OTOGL: variants seen among roughly 807,000 people sequenced by gnomAD.
The protein encoded by OTOGL is otogelin like.
In OTOGL, 285 loss-of-function variants were observed where a neutral mutation model predicts 318.5. That is an observed-to-expected ratio of 0.89 (90% CI 0.81 to 0.99). The LOEUF is 0.99. OTOGL is among the 50% of genes least tolerant of loss of function. The pLI is 0.00. For synonymous variants in OTOGL, 987 were observed against 936.5 expected (o/e 1.05, Z -0.99); for missense variants, 2,899 against 2,845.6 (o/e 1.02, Z -0.43).
At chr12:80,179,567 T>A (rs1874775265) in intron 1 of OTOGL, among the ~76,000 whole-genome samples, 1 of 152,154 alleles carries the variant, frequency 6.6e-6, no homozygotes, top group African/African-American at 2.4e-5. Context: ...TGCAGAGACA[T>A]GTAAGACCTT....
rs527938705 is a variant in OTOGL at position 80,320,323 on chromosome 12, T to G, written c.3803-99T>G. ...ATTGGCACTAATTATGTTTGGCAAT[T>G]GTGCAGTACTATTTTGTTTACTTTA... On this transcript the variant is annotated intron_variant, in intron 33 of 58. Coordinates refer to ENST00000547103, the MANE Select transcript of OTOGL (RefSeq NM_001378609.3). The G allele has an allele frequency of 7.2e-6, 8 of 1,107,838 alleles. No individual in the cohort carries two copies. The African/African-American group carries it at 1.3e-4, about 18-fold the overall frequency. The allele number at this position is 1,107,838 out of a possible 1,614,324, so 68.6% of individuals were successfully genotyped here.
intron 26 of OTOGL, among the ~76,000 whole-genome samples, chr12:80,279,948 C>A (rs1026385424): frequency 1.1e-4 from 16 of 151,872 alleles, no homozygotes; most frequent in Admixed American, 5.9e-4. Flanking sequence ...TTCTTCGCAA[C>A]CTTGCCAACA....
At chr12:80,344,108 T>C (rs1171558706) in intron 44 of OTOGL, among the ~76,000 whole-genome samples, 6 of 152,172 alleles carry the variant, frequency 3.9e-5, no homozygotes, top group African/African-American at 1.4e-4. Flanking sequence ...CAGTTTTACA[T>C]GGAGATTTGG....
rs534350770 is a variant in OTOGL at position 80,319,023 on chromosome 12, T to A, written c.3802+310T>A. ...TTAATTTGATGTTTTTGAAAAACCA[T>A]CCACTGATTCTTAATATTTGAAAGG... is the stretch of plus-strand genomic sequence containing the variant. On this transcript the variant is annotated intron_variant, in intron 33 of 58. Transcript: ENST00000547103. Among the ~76,000 whole-genome samples, 3 of 152,292 alleles carry A rather than the reference T, an allele frequency of 2.0e-5. No individual in the cohort carries two copies. The South Asian group carries it at 6.2e-4, about 32-fold the overall frequency.
chr12:80,265,133 A>G lies in OTOGL; in HGVS notation c.2147A>G (p.Asn716Ser). 4.3e-6 allele frequency: 7 copies of G among 1,613,876 alleles called. No individual in the cohort carries two copies. The highest frequency in any genetic ancestry group is 5.9e-6 in the Non-Finnish European group (7 of 1,179,860). ...AAGTGTGGAAGCTCCTGCCTGTGCA[A>G]TGCTCTTGCCCACTATGCCTACCTC... ...ACKCGSSCLC[N>S]ALAHYAYLCG... Residue 716 changes from asparagine (N) to serine (S), a missense_variant, in exon 20 of 59, where the codon AAT becomes AGT. Asn to Ser is a conservative substitution (Grantham distance 46). This residue lies in a region of OTOGL where 2,607 missense variants were observed against 2,524.9 expected (regional missense o/e 1.03). Coordinates refer to ENST00000547103, the MANE Select transcript of OTOGL (RefSeq NM_001378609.3).
chr12:80,223,382 A>G (rs756572648), intron 7 of OTOGL, among the ~76,000 whole-genome samples: 3 of 152,046 alleles, frequency 2.0e-5, no homozygotes, highest in Admixed American at 6.6e-5. Context: ...TTGTACTGCT[A>G]TAAACATGTG....
At chr12:80,152,687 A>G (rs1441171745) in intron 1 of OTOGL, among the ~76,000 whole-genome samples, 2 of 152,026 alleles carry the variant, frequency 1.3e-5, no homozygotes, top group African/African-American at 4.8e-5. Flanking sequence ...TTTAAATTTT[A>G]TTTATTTATT....
chr12:80,257,123 CA>C (rs1052920851), intron 17 of OTOGL, among the ~76,000 whole-genome samples: 1 of 152,042 alleles, frequency 6.6e-6, no homozygotes, highest in African/African-American at 2.4e-5. Context: ...CTCTCACTCT[CA>C]AAAATGTCTT....
At chr12:80,282,499 A>G (rs1884306638) in intron 26 of OTOGL, among the ~76,000 whole-genome samples, 1 of 151,354 alleles carries the variant, frequency 6.6e-6, no homozygotes, top group African/African-American at 2.4e-5. Flanking sequence ...TGGCAGTCAT[A>G]TAATTATAAC....
intron 1 of OTOGL, among the ~76,000 whole-genome samples, chr12:80,196,929 T>C (rs1267430360): frequency 6.6e-6 from 1 of 152,078 alleles, no homozygotes; most frequent in East Asian, 1.9e-4. Flanking sequence ...CCTCCTCCAT[T>C]TTATAATTCA....
chr12:80,273,174 T>C (rs1054512110), intron 24 of OTOGL, among the ~76,000 whole-genome samples: 3 of 152,096 alleles, frequency 2.0e-5, no homozygotes, highest in Admixed American at 6.6e-5. Flanking sequence ...TCTGACTGTA[T>C]TGAAATAAAT....
intron 57 of OTOGL, among the ~76,000 whole-genome samples, chr12:80,376,914 A>C (rs1276997779): frequency 6.6e-6 from 1 of 152,102 alleles, no homozygotes; most frequent in Non-Finnish European, 1.5e-5. Context: ...AATAAGTGTA[A>C]AGCCAGAAAA....
chr12:80,144,798 G>A (rs1872222888), intron 1 of OTOGL, among the ~76,000 whole-genome samples: 1 of 152,136 alleles, frequency 6.6e-6, no homozygotes, highest in South Asian at 2.1e-4. Context: ...GCATTTCTCT[G>A]ATGGCCAGTG....
At chr12:80,213,852 G>A (rs1265921586) in intron 4 of OTOGL, among the ~76,000 whole-genome samples, 1 of 152,328 alleles carries the variant, frequency 6.6e-6, no homozygotes, top group East Asian at 1.9e-4. Context: ...GGAATTTCAT[G>A]TGTTACAAGG....
At chr12:80,312,293 A>G (rs1886685963) in intron 30 of OTOGL, among the ~76,000 whole-genome samples, 1 of 152,242 alleles carries the variant, frequency 6.6e-6, no homozygotes, top group Non-Finnish European at 1.5e-5. Context: ...AGAAGCAGAT[A>G]TGAGAATCCC....
At chr12:80,212,212 A>G (rs1305134340) in intron 4 of OTOGL, among the ~76,000 whole-genome samples, 1 of 149,070 alleles carries the variant, frequency 6.7e-6, no homozygotes. Flanking sequence ...TAAAATACAC[A>G]TTTTTTTTTT....
chr12:80,251,894 T>C (rs1445908402), intron 12 of OTOGL, 95 bp downstream of exon 12: 13 of 1,210,618 alleles, frequency 1.1e-5, no homozygotes, highest in Middle Eastern at 2.4e-4. Flanking sequence ...TACTAATGAA[T>C]TGCAAGGATT....
At chr12:80,287,176 C>G (rs148215603) in intron 26 of OTOGL, among the ~76,000 whole-genome samples, 3,009 of 151,610 alleles carry the variant, frequency 0.02, 208 homozygotes, top group African/African-American at 0.069. Context: ...TTCAGGAGCA[C>G]GTTGTTCAGT....
At chr12:80,332,173 T>C (rs1232627300) in intron 37 of OTOGL, among the ~76,000 whole-genome samples, 1 of 152,196 alleles carries the variant, frequency 6.6e-6, no homozygotes, top group Non-Finnish European at 1.5e-5. Context: ...AAAAATTGTA[T>C]ATATTTATTG....
Sources: gnomAD v4.1 joint callset for allele counts (sites outside exome capture counted in the v4.1 genomes callset) on GRCh38, gnomAD v4.1.1 for gene constraint, gnomAD v4.1.1 regional missense constraint, MANE v1.5 for transcripts, NCBI Gene and HGNC (gene_info 2026-07-23, HGNC 2026-07-21) for gene names.